Variants in ZFYVE9 observed in about 807,000 individuals in gnomAD.
ZFYVE9 encodes zinc finger FYVE-type containing 9, also known as zinc finger FYVE domain-containing protein 9.
A neutral mutation model predicts 126.7 loss-of-function variants in ZFYVE9; 43 were observed. The observed-to-expected ratio is 0.34, with a 90% CI of 0.27 to 0.44. ZFYVE9 has a LOEUF of 0.44. ZFYVE9 is among the 20% of genes least tolerant of loss of function. ZFYVE9 has a pLI of 1.00. For missense variants in ZFYVE9, 1,476 were observed against 1,697.0 expected (o/e 0.87, Z 2.29); for synonymous variants, 521 against 597.4 (o/e 0.87, Z 1.87).
At chr1:52,160,253 CT>C in intron 1 of ZFYVE9, 1 of 876,114 alleles carries the variant, frequency 1.1e-6, no homozygotes, top group Admixed American at 1.7e-5. Flanking sequence ...TTATTTTTCT[CT>C]TTTCAATTAA....
chr1:52,237,550 C>T lies in ZFYVE9; in HGVS notation c.133C>T (p.His45Tyr). ...GAATAAGATTCTAGATCCCCCTTCTCACCGGCTGTCATTTAACCCTACTTT... is the reference window on the plus strand; with the variant it reads ...GAATAAGATTCTAGATCCCCCTTCTTACCGGCTGTCATTTAACCCTACTTT... The part of the protein sequence containing the change: ...KWNKILDPPS[H>Y]RLSFNPTLAS... The change falls in exon 4 of 19, where the codon CAC (histidine) becomes TAC (tyrosine). Residue 45 changes from histidine to tyrosine, a missense_variant. Transcript: ENST00000287727. 1 of 1,613,984 alleles carries T rather than the reference C, an allele frequency of 6.2e-7. No homozygotes were observed. The highest frequency in any genetic ancestry group is 8.5e-7 in the Non-Finnish European group (1 of 1,179,898).
At chr1:52,239,869 T>C in intron 4 of ZFYVE9, among the ~76,000 whole-genome samples, 1 of 152,240 alleles carries the variant, frequency 6.6e-6, no homozygotes, top group South Asian at 2.1e-4. Context: ...GTTTCTGTAT[T>C]GATAGCTACT....
chr1:52,304,702 A>G (rs904514260), intron 13 of ZFYVE9, among the ~76,000 whole-genome samples: 7 of 151,908 alleles, frequency 4.6e-5, no homozygotes, highest in Non-Finnish European at 8.8e-5. Flanking sequence ...AGAATCACAC[A>G]GATGTTTTAT....
chr1:52,229,220 G>A (rs912356834), intron 2 of ZFYVE9, among the ~76,000 whole-genome samples: 14 of 152,116 alleles, frequency 9.2e-5, no homozygotes, highest in African/African-American at 3.4e-4. Flanking sequence ...TCACATTCTA[G>A]ATTTGTCTTA....
At chr1:52,335,355 A>T (rs541970701) in intron 15 of ZFYVE9, 9 of 152,846 alleles carry the variant, frequency 5.9e-5, no homozygotes, top group African/African-American at 2.2e-4. Flanking sequence ...ATGGCTTAAC[A>T]CTGCTTCATG....
intron 7 of ZFYVE9, 66 bp downstream of exon 7, chr1:52,268,698 G>A (rs992657993): frequency 7.8e-6 from 12 of 1,541,060 alleles, no homozygotes; most frequent in Non-Finnish European, 1.1e-5. Context: ...TGCCTCTGTT[G>A]AATTACTTTT....
chr1:52,241,772 A>G (rs1439863682), intron 4 of ZFYVE9, among the ~76,000 whole-genome samples: 1 of 152,190 alleles, frequency 6.6e-6, no homozygotes, highest in Non-Finnish European at 1.5e-5. Flanking sequence ...TCAGAAGAAA[A>G]GGGCTTATAA....
At chr1:52,325,051 G>A (rs760533461) in intron 13 of ZFYVE9, among the ~76,000 whole-genome samples, 3 of 152,170 alleles carry the variant, frequency 2.0e-5, no homozygotes, top group Admixed American at 6.5e-5. Flanking sequence ...AGGCTGAGGC[G>A]GGCGGATCAT....
At chr1:52,203,868 T>G (rs1383749497) in intron 1 of ZFYVE9, among the ~76,000 whole-genome samples, 1 of 152,136 alleles carries the variant, frequency 6.6e-6, no homozygotes, top group Non-Finnish European at 1.5e-5. Flanking sequence ...AAGGCATTCT[T>G]CATTTCTGTT....
At chr1:52,292,902 T>A (rs1053070148) in intron 10 of ZFYVE9, among the ~76,000 whole-genome samples, 1 of 152,130 alleles carries the variant, frequency 6.6e-6, no homozygotes, top group Non-Finnish European at 1.5e-5. Flanking sequence ...TTCAACAATG[T>A]GATAATATAA....
chr1:52,179,635 A>G (rs1403241776), intron 1 of ZFYVE9, among the ~76,000 whole-genome samples: 1 of 149,756 alleles, frequency 6.7e-6, no homozygotes, highest in East Asian at 1.9e-4. Flanking sequence ...TTGTGTCTCA[A>G]AAAAAAAAAA....
At chr1:52,288,659 G>A (rs567080407) in intron 10 of ZFYVE9, among the ~76,000 whole-genome samples, 5 of 152,188 alleles carry the variant, frequency 3.3e-5, no homozygotes, top group Admixed American at 1.3e-4. Flanking sequence ...GGTGGGTCAC[G>A]CCTGTAATCC....
rs57242903 is a variant in ZFYVE9, at chr1:52,184,393, ATTTTTTT to A, written c.-142-31960_-142-31954del. Among the ~76,000 whole-genome samples, 36 of 115,072 alleles carry A rather than the reference ATTTTTTT, an allele frequency of 3.1e-4. 1 individual carries two copies. Among genetic ancestry groups the A allele is most frequent in the Non-Finnish European group, 4.7e-4 (26 of 55,848 alleles). The allele number at this position is 115,072 out of a possible 152,430, so 75.5% of individuals were successfully genotyped here. ...AGGCGCCTGCCACCAAGTCCAGCTA[ATTTTTTT>A]TTTTTTTTTTTTTTTGGTATTTTTT... On this transcript the variant is annotated intron_variant, in intron 1 of 18. Coordinates refer to ENST00000287727, the MANE Select transcript of ZFYVE9 (RefSeq NM_004799.4).
intron 1 of ZFYVE9, among the ~76,000 whole-genome samples, chr1:52,181,542 C>T (rs1644703608): frequency 6.6e-6 from 1 of 152,150 alleles, no homozygotes; most frequent in African/African-American, 2.4e-5. Context: ...GCCTGGCCGC[C>T]CATCGTCTGG....
At chr1:52,144,924 G>T (rs1025386619) in intron 1 of ZFYVE9, among the ~76,000 whole-genome samples, 1 of 152,176 alleles carries the variant, frequency 6.6e-6, no homozygotes, top group African/African-American at 2.4e-5. Flanking sequence ...ATCTGTAAAA[G>T]ATTTTTATAC....
At chr1:52,323,880 C>T (rs1047414827) in intron 13 of ZFYVE9, among the ~76,000 whole-genome samples, 1 of 136,828 alleles carries the variant, frequency 7.3e-6, no homozygotes, top group African/African-American at 2.7e-5. Flanking sequence ...GGTGAAACCC[C>T]GTCTCTACTA....
intron 1 of ZFYVE9, among the ~76,000 whole-genome samples, chr1:52,196,680 G>T (rs1422914737): frequency 1.3e-5 from 2 of 152,104 alleles, no homozygotes; most frequent in African/African-American, 2.4e-5. Context: ...CATCAATAAA[G>T]CCTGGAAGGA....
At chr1:52,203,343 C>T (rs536263692) in intron 1 of ZFYVE9, among the ~76,000 whole-genome samples, 48 of 151,534 alleles carry the variant, frequency 3.2e-4, no homozygotes, top group African/African-American at 9.9e-4. Context: ...CACTACCGTC[C>T]GGCTAATTTT....
intron 1 of ZFYVE9, chr1:52,160,509 T>C (rs573219): frequency 0.97 from 762,088 of 784,028 alleles, 370,440 homozygotes; most frequent in East Asian, 1. Context: ...GCGGCTACTC[T>C]AGCCACCACG....
Sources: gnomAD v4.1 joint callset for allele counts (sites outside exome capture counted in the v4.1 genomes callset) on GRCh38, gnomAD v4.1.1 for gene constraint, MANE v1.5 for transcripts, NCBI Gene and HGNC (gene_info 2026-07-23, HGNC 2026-07-21) for gene names.